The following SEMA4G variants were observed in gnomAD, a reference collection of about 807,000 sequenced individuals.
SEMA4G encodes semaphorin 4G.
A neutral mutation model predicts 81.2 loss-of-function variants in SEMA4G; 59 were observed. The ratio of observed to expected loss-of-function variants is 0.73; its 90% CI spans 0.59 to 0.90. The LOEUF (loss-of-function observed/expected upper bound fraction) is 0.90, where lower values mean the gene tolerates loss of function less well. Among genes scored for constraint, SEMA4G ranks in the 40% least tolerant of loss-of-function variants. The pLI is 0.00. For missense variants in SEMA4G, 952 were observed against 1,102.3 expected (o/e 0.86, Z 1.93); for synonymous variants, 404 against 433.9 (o/e 0.93, Z 0.86).
chr10:100,984,377 C>T, exon 14 of SEMA4G: 1 of 1,448,574 alleles, frequency 6.9e-7, no homozygotes, highest in Non-Finnish European at 9.0e-7. Context: ...CCCTCAGGAT[C>T]AGGTGCCCTG....
chr10:100,978,100 G>A (rs568544014), intron 4 of SEMA4G, 195 bp from the exon 6 acceptor site: 14 of 589,994 alleles, frequency 2.4e-5, no homozygotes, highest in Non-Finnish European at 4.2e-5. Flanking sequence ...TGCAGATTTG[G>A]AACTCCAAAC....
chr10:100,977,646 C>T, exon 4 of SEMA4G: 2 of 1,614,092 alleles, frequency 1.2e-6, no homozygotes, highest in African/African-American at 1.3e-5. Context: ...AGTGCTTTAA[C>T]CATGTGCGGT....
intron 3 of SEMA4G, among the ~76,000 whole-genome samples, chr10:100,977,256 A>G (rs1214909170): frequency 6.6e-6 from 1 of 152,172 alleles, no homozygotes; most frequent in African/African-American, 2.4e-5. Flanking sequence ...CACCCCAGCG[A>G]GGAGGGCAGG....
upstream of SEMA4G, among the ~76,000 whole-genome samples, chr10:100,971,862 G>C (rs1291224600): frequency 2.0e-5 from 3 of 152,148 alleles, no homozygotes; most frequent in African/African-American, 7.2e-5. Flanking sequence ...GCACACTACA[G>C]CCTTCTGCAC....
At chr10:100,974,555 C>G (rs1850724492) in intron 3 of SEMA4G, among the ~76,000 whole-genome samples, 1 of 152,140 alleles carries the variant, frequency 6.6e-6, no homozygotes, top group African/African-American at 2.4e-5. Flanking sequence ...ATAAATTGAA[C>G]CATTGTTAAG....
At chr10:100,975,577 G>A (rs990936558) in intron 3 of SEMA4G, among the ~76,000 whole-genome samples, 17 of 152,150 alleles carry the variant, frequency 1.1e-4, no homozygotes, top group Non-Finnish European at 2.4e-4. Context: ...GTAAACATCC[G>A]CTGGGCACGG....
intron 13 of SEMA4G, among the ~76,000 whole-genome samples, chr10:100,982,355 G>A (rs1213072312): frequency 6.6e-6 from 1 of 152,202 alleles, no homozygotes; most frequent in African/African-American, 2.4e-5. Context: ...CTGGAGAGTG[G>A]CATGATCAGA....
upstream of SEMA4G, among the ~76,000 whole-genome samples, chr10:100,970,545 CCACACACACA>C (rs35324166): frequency 5.5e-4 from 82 of 149,536 alleles, no homozygotes; most frequent in Non-Finnish European, 9.8e-4. Flanking sequence ...TCCCCCATCA[CCACACACACA>C]CACACACACA....
At chr10:100,976,190 G>A (rs1463269867) in intron 3 of SEMA4G, among the ~76,000 whole-genome samples, 1 of 152,136 alleles carries the variant, frequency 6.6e-6, no homozygotes, top group Non-Finnish European at 1.5e-5. Flanking sequence ...CATTAACGTG[G>A]CAAAGGAGTC....
In SEMA4G at chr10:100,977,605, C is replaced by G. The variant is rs768651813; in HGVS notation, c.337-27C>G. The G allele has an allele frequency of 1.9e-5, 31 of 1,594,282 alleles. No homozygotes were observed. In the South Asian group the frequency reaches 2.8e-4, roughly 14 times the overall value. On this transcript the variant is annotated intron_variant, in intron 3 of 13. Coordinates refer to ENST00000370250, the Ensembl canonical transcript of SEMA4G. ...GAGGCTTCTAGTCAGGCAGGGGGCT[C>G]ACAGCCCTCTCCACCTCATCCCACA...
chr10:100,982,690 C>G (rs755025603), intron 13 of SEMA4G, among the ~76,000 whole-genome samples: 11 of 152,108 alleles, frequency 7.2e-5, no homozygotes, highest in Non-Finnish European at 1.3e-4. Flanking sequence ...TACTCAGGAG[C>G]CAGAGGCAAG....
In SEMA4G at chr10:100,973,681, G is replaced by A; in HGVS notation, c.336+72G>A. 1 of 1,382,484 alleles carries A rather than the reference G, an allele frequency of 7.2e-7. No homozygotes were observed. The highest frequency in any genetic ancestry group is 1.0e-6 in the Non-Finnish European group (1 of 983,708). The allele number at this position is 1,382,484 out of a possible 1,614,324, so 85.6% of individuals were successfully genotyped here. A position where few individuals can be genotyped will look rare whatever the true frequency, so the allele number is the denominator to read the frequency against. Reference sequence around the variant, plus strand: ...CAATCAGGGATGCCAGGATTGTTGGGGACACAGATGGGTAGGTACAGACCT... The same window carrying A: ...CAATCAGGGATGCCAGGATTGTTGGAGACACAGATGGGTAGGTACAGACCT... On this transcript the variant is annotated intron_variant, in intron 3 of 13. Coordinates refer to ENST00000370250, the Ensembl canonical transcript of SEMA4G. The surrounding 1 kb of genome is among the most constrained non-coding windows in gnomAD (Gnocchi z 5.5).
At chr10:100,979,470 C>T (rs1850953322) in intron 8 of SEMA4G, 199 bp downstream of exon 9, 1 of 1,391,654 alleles carries the variant, frequency 7.2e-7, no homozygotes. Context: ...GCAATCTCCG[C>T]CTCCCGGGTT....
chr10:100,977,393 T>C (rs375373385), intron 3 of SEMA4G, among the ~76,000 whole-genome samples: 10 of 152,290 alleles, frequency 6.6e-5, no homozygotes, highest in East Asian at 1.9e-4. Flanking sequence ...ACAGGAGATA[T>C]TGGCAGAATG....
At chr10:100,971,990 C>T (rs1029173398), upstream of SEMA4G, among the ~76,000 whole-genome samples, 5 of 152,046 alleles carry the variant, frequency 3.3e-5, no homozygotes, top group African/African-American at 4.8e-5. Flanking sequence ...TACAGACTGG[C>T]GTGGGCAGAG....
chr10:100,980,434 C>G (rs1165897000), intron 10 of SEMA4G, 90 bp downstream of exon 11: 1 of 1,412,578 alleles, frequency 7.1e-7, no homozygotes, highest in Non-Finnish European at 1.0e-6. Flanking sequence ...GTCTGGAGTT[C>G]CCAGTGTCCT....
chr10:100,984,164 C>G (rs775434918), exon 14 of SEMA4G: 1 of 1,576,076 alleles, frequency 6.3e-7, no homozygotes, highest in South Asian at 1.2e-5. Context: ...CTCTTCCAAG[C>G]CAGCCTATCT....
rs1850701587 is a variant in SEMA4G, at chr10:100,973,803, G to A, written c.336+194G>A. Reference sequence around the variant, plus strand: ...TTTTTTTTTTTCTTTTTTTGAGGTCGGATCTCACTCTGTCATCCAGGTTGG... The same window carrying A: ...TTTTTTTTTTTCTTTTTTTGAGGTCAGATCTCACTCTGTCATCCAGGTTGG... On this transcript the variant is annotated intron_variant, in intron 3 of 13. Coordinates refer to ENST00000370250, the Ensembl canonical transcript of SEMA4G. The surrounding 1 kb of genome is among the most constrained non-coding windows in gnomAD (Gnocchi z 5.5). Among the ~76,000 whole-genome samples, 2 of 151,052 alleles carry A rather than the reference G, an allele frequency of 1.3e-5. No homozygotes were observed.
Position 100,978,521 on chromosome 10 carries a change from C to G in SEMA4G, c.530-6C>G. 1 of 1,612,940 alleles carries G rather than the reference C, an allele frequency of 6.2e-7. No individual in the cohort carries two copies. Among genetic ancestry groups the G allele is most frequent in the Non-Finnish European group, 8.5e-7 (1 of 1,179,018 alleles). On this transcript the variant is annotated splice_region_variant and splice_polypyrimidine_tract_variant and intron_variant, in intron 5 of 13. Coordinates refer to ENST00000370250, the Ensembl canonical transcript of SEMA4G. ...GTCTCTCATGCCTGGAATATCCCCA[C>G]GCCAGATGGAGGCCTCTACACAGCC... is the stretch of plus-strand genomic sequence containing the variant.
Sources: allele counts gnomAD v4.1 joint callset (sites outside exome capture counted in the v4.1 genomes callset), GRCh38; gene constraint gnomAD v4.1.1; non-coding constraint Gnocchi (gnomAD v3.1); transcripts MANE v1.5; gene names NCBI Gene and HGNC (gene_info 2026-07-23, HGNC 2026-07-21).